The following FBXO28 variants were observed in gnomAD, a reference collection of about 807,000 sequenced individuals.
FBXO28 encodes F-box protein 28.
A neutral mutation model predicts 38.1 loss-of-function variants in FBXO28; 8 were observed. The ratio of observed to expected loss-of-function variants is 0.21; its 90% CI spans 0.12 to 0.38. The LOEUF is 0.38. Ranked by LOEUF, FBXO28 falls within the 10% of genes least tolerant of loss-of-function variation. The probability of loss-of-function intolerance (pLI) is 1.00; values close to 1 mark genes in which losing one functional copy is unlikely to be tolerated. For synonymous variants in FBXO28, 168 were observed against 173.8 expected, an observed-to-expected ratio of 0.97 and a Z score of 0.26; for missense variants, 345 against 460.6, an observed-to-expected ratio of 0.75 and a Z score of 2.30.
intron 1 of FBXO28, among the ~76,000 whole-genome samples, chr1:224,127,536 G>A (rs1656935169): frequency 6.6e-6 from 1 of 152,066 alleles, no homozygotes; most frequent in Non-Finnish European, 1.5e-5. Flanking sequence ...TTGTGTTTAT[G>A]TCTTTGTTTT....
In FBXO28 at chr1:224,138,206, C is replaced by G. The variant is rs1385111564; in HGVS notation, c.516+3994C>G. ...TCACACTGGTGCACTCCAGCCTGGGCTACAGAGTGAGACCCTGCCACAAAA... is the reference window on the plus strand; with the variant it reads ...TCACACTGGTGCACTCCAGCCTGGGGTACAGAGTGAGACCCTGCCACAAAA... On this transcript the variant is annotated intron_variant, in intron 3 of 4. Coordinates refer to ENST00000366862, the MANE Select transcript of FBXO28 (RefSeq NM_015176.4). 2.0e-5 allele frequency among the ~76,000 whole-genome samples: 3 copies of G among 151,772 alleles called. No individual in the cohort carries two copies. In the South Asian group the frequency reaches 6.2e-4, roughly 31 times the overall value.
Position 224,137,174 on chromosome 1 carries a change from G to A in FBXO28, c.516+2962G>A, listed in dbSNP as rs1657211243. Among the ~76,000 whole-genome samples, 5 of 151,772 alleles carry A rather than the reference G, an allele frequency of 3.3e-5. No individual in the cohort carries two copies. The South Asian group carries it at 1.0e-3, about 31-fold the overall frequency. On this transcript the variant is annotated intron_variant, in intron 3 of 4. Coordinates refer to ENST00000366862, the MANE Select transcript of FBXO28 (RefSeq NM_015176.4). ...TTCACTTAAGTGAATCTGAGTAGTA[G>A]CAACATTATAGTTCAAATTAGATAG... is the stretch of plus-strand genomic sequence containing the variant.
intron 3 of FBXO28, among the ~76,000 whole-genome samples, chr1:224,149,530 C>T (rs1280265611): frequency 6.6e-6 from 1 of 152,102 alleles, no homozygotes; most frequent in African/African-American, 2.4e-5. Context: ...CTTTCATTTG[C>T]CCTTAAACAG....
chr1:224,125,617 A>G (rs973403742), intron 1 of FBXO28, among the ~76,000 whole-genome samples: 1 of 146,876 alleles, frequency 6.8e-6, no homozygotes, highest in South Asian at 2.2e-4. Flanking sequence ...ATTAAGTCCA[A>G]CTTCTGCAGA....
chr1:224,128,014 G>A (rs1656945707), intron 1 of FBXO28, among the ~76,000 whole-genome samples: 1 of 152,124 alleles, frequency 6.6e-6, no homozygotes, highest in Admixed American at 6.5e-5. Context: ...CTTTTAGGAA[G>A]TTATCTGGTT....
intron 3 of FBXO28, among the ~76,000 whole-genome samples, chr1:224,134,831 G>C (rs1426623514): frequency 6.6e-6 from 1 of 152,100 alleles, no homozygotes; most frequent in Non-Finnish European, 1.5e-5. Flanking sequence ...ACATATGTCT[G>C]TATCTTTTTA....
chr1:224,124,425 G>A (rs1031104121), intron 1 of FBXO28, among the ~76,000 whole-genome samples: 1 of 151,944 alleles, frequency 6.6e-6, no homozygotes, highest in African/African-American at 2.4e-5. Context: ...TCATCTTTAG[G>A]CTCCATATAT....
chr1:224,158,392 T>C lies in FBXO28; in HGVS notation c.*646T>C, dbSNP rs975357249. ...TGTTTTCAGTTCTCTTTGGGGGCCA[T>C]GTCCTACATTTGCATGGATGGATGC... is the stretch of plus-strand genomic sequence containing the variant. On this transcript the variant is annotated 3_prime_UTR_variant, in exon 5 of 5. Coordinates refer to ENST00000366862, the MANE Select transcript of FBXO28 (RefSeq NM_015176.4). 3.7e-5 allele frequency: 8 copies of C among 214,490 alleles called. No homozygotes were observed. The highest frequency in any genetic ancestry group is 5.6e-5 in the Non-Finnish European group (7 of 124,700). 13.3% of individuals were successfully genotyped at this position (214,490 alleles called of 1,614,324 possible).
At chr1:224,128,399 A>G (rs1019394576) in intron 1 of FBXO28, among the ~76,000 whole-genome samples, 1 of 152,036 alleles carries the variant, frequency 6.6e-6, no homozygotes, top group African/African-American at 2.4e-5. Context: ...TCTAATTAAG[A>G]TAAGAAAGAT....
chr1:224,153,799 T>C (rs1304965236), intron 4 of FBXO28, among the ~76,000 whole-genome samples: 2 of 151,920 alleles, frequency 1.3e-5, no homozygotes, highest in East Asian at 3.9e-4. Flanking sequence ...CGCACACCTG[T>C]AATCCTAGCT....
At chr1:224,123,424 CAGAG>C (rs1328907140) in intron 1 of FBXO28, among the ~76,000 whole-genome samples, 3 of 90,516 alleles carry the variant, frequency 3.3e-5, no homozygotes, top group African/African-American at 4.5e-5. Context: ...GCCTGGGCAA[CAGAG>C]GGAGACCCTG....
intron 3 of FBXO28, among the ~76,000 whole-genome samples, chr1:224,135,728 G>C (rs1315314132): frequency 6.6e-6 from 1 of 151,952 alleles, no homozygotes; most frequent in Non-Finnish European, 1.5e-5. Context: ...TTGGAATGGT[G>C]ATGTTGACAG....
At chr1:224,139,889 C>T (rs990008642) in intron 3 of FBXO28, among the ~76,000 whole-genome samples, 4 of 151,828 alleles carry the variant, frequency 2.6e-5, no homozygotes, top group South Asian at 2.1e-4. Context: ...GCCAGGAGTT[C>T]GAGACCAACC....
At chr1:224,114,675 G>A (rs141937676) in intron 1 of FBXO28, among the ~76,000 whole-genome samples, 183 of 151,730 alleles carry the variant, frequency 1.2e-3, no homozygotes, top group Admixed American at 7.8e-3. Flanking sequence ...TCTACGGGAG[G>A]GGTAGCGGAG....
chr1:224,134,399 T>G, intron 3 of FBXO28, 187 bp downstream of exon 3: 1 of 502,922 alleles, frequency 2.0e-6, no homozygotes, highest in Middle Eastern at 5.4e-4. Flanking sequence ...TTTAAAATTC[T>G]AATTATGAAA....
In FBXO28 at chr1:224,114,143, C is replaced by G. The variant is rs1656582279; in HGVS notation, c.14C>G (p.Ala5Gly). The G allele has an allele frequency of 2.6e-6, 4 of 1,541,840 alleles. No homozygotes were observed. Among genetic ancestry groups the G allele is most frequent in the Middle Eastern group, 4.4e-4 (2 of 4,524 alleles). Residue 5 changes from alanine to glycine, a missense_variant, in exon 1 of 5, where the codon GCG (alanine) becomes GGG (glycine). Around this residue, in one of 6 missense-constraint regions of FBXO28, gnomAD observed 104 missense variants for 82.0 expected, o/e 1.27. Transcript: ENST00000366862. MAAA[A>G]EERMAEEGGG... ...CAAGCCCCCAAGATGGCGGCAGCGG[C>G]GGAGGAGCGGATGGCAGAGGAAGGA...
At chr1:224,126,443 G>A (rs1009949820) in intron 1 of FBXO28, among the ~76,000 whole-genome samples, 1 of 152,338 alleles carries the variant, frequency 6.6e-6, no homozygotes, top group Middle Eastern at 3.4e-3. Context: ...ACAGAGACAA[G>A]AAGTGTTTTT....
chr1:224,136,601 G>A (rs925300735), intron 3 of FBXO28, among the ~76,000 whole-genome samples: 16 of 150,902 alleles, frequency 1.1e-4, no homozygotes, highest in Non-Finnish European at 1.9e-4. Flanking sequence ...GGTGGCGGGC[G>A]CCTATAGTCC....
At position 224,157,746 on chromosome 1, in the gene FBXO28, AATTG is replaced by A; in HGVS notation, c.*1_*4del. 1 of 1,594,362 alleles carries A rather than the reference AATTG, an allele frequency of 6.3e-7. No individual in the cohort carries two copies. The highest frequency in any genetic ancestry group is 8.5e-7 in the Non-Finnish European group (1 of 1,171,914). Reference sequence around the variant, plus strand: ...CTAAACGTCTTCGGAATAGAAAGTAAATTGGAATGTGGTTCTAGTTCCAGAGGAA... The same window carrying A: ...CTAAACGTCTTCGGAATAGAAAGTAAGAATGTGGTTCTAGTTCCAGAGGAA... On this transcript the variant is annotated 3_prime_UTR_variant, in exon 5 of 5. Coordinates refer to ENST00000366862, the MANE Select transcript of FBXO28 (RefSeq NM_015176.4).
Sources: gnomAD v4.1 joint callset for allele counts (sites outside exome capture counted in the v4.1 genomes callset) on GRCh38, gnomAD v4.1.1 for gene constraint, gnomAD v4.1.1 regional missense constraint, MANE v1.5 for transcripts, NCBI Gene and HGNC (gene_info 2026-07-23, HGNC 2026-07-21) for gene names.